The following MGAT5B variants were observed in gnomAD, a reference collection of about 807,000 sequenced individuals.
MGAT5B encodes the protein alpha-1,6-mannosylglycoprotein 6-beta-N-acetylglucosaminyltransferase B, also known as N-acetylglucosaminyl-transferase Vb.
A neutral mutation model predicts 95.1 loss-of-function variants in MGAT5B; 54 were observed. The observed-to-expected ratio is 0.57, with a 90% CI of 0.46 to 0.71. The LOEUF (loss-of-function observed/expected upper bound fraction) is 0.71. Ranked by LOEUF, MGAT5B falls within the 30% of genes least tolerant of loss-of-function variation. The pLI is 0.00. For synonymous variants in MGAT5B, 464 were observed against 451.0 expected, an observed-to-expected ratio of 1.03 and a Z score of -0.36; for missense variants, 935 against 1,088.6, an observed-to-expected ratio of 0.86 and a Z score of 1.99.
intron 2 of MGAT5B, among the ~76,000 whole-genome samples, chr17:76,879,917 AGATTAACC>A (rs1214985811): frequency 6.6e-6 from 1 of 152,214 alleles, no homozygotes; most frequent in Non-Finnish European, 1.5e-5. Flanking sequence ...AGGGCTGCCC[AGATTAACC>A]GATTGAGTGT....
chr17:76,902,482 C>T, intron 3 of MGAT5B, 73 bp from the exon 4 acceptor site: 2 of 1,158,282 alleles, frequency 1.7e-6, no homozygotes, highest in Non-Finnish European at 2.5e-6. Flanking sequence ...GCCTGTGGGC[C>T]TTACTGGCAG....
chr17:76,893,489 T>G (rs1967955377), intron 3 of MGAT5B, among the ~76,000 whole-genome samples: 1 of 152,166 alleles, frequency 6.6e-6, no homozygotes, highest in Non-Finnish European at 1.5e-5. Context: ...TCTCTTAAAA[T>G]GCATGTAACA....
chr17:76,911,634 A>G (rs1216678335), intron 8 of MGAT5B, among the ~76,000 whole-genome samples: 1 of 152,170 alleles, frequency 6.6e-6, no homozygotes, highest in Non-Finnish European at 1.5e-5. Context: ...TGGTCCCCAT[A>G]GTTGGCGGGG....
chr17:76,946,268 C>A, intron 15 of MGAT5B, 108 bp from the exon 16 acceptor site: 1 of 912,122 alleles, frequency 1.1e-6, no homozygotes, highest in Non-Finnish European at 1.6e-6. Context: ...CTGGGCATGG[C>A]ACAGGATGTG....
chr17:76,944,592 G>T (rs1041449107), intron 15 of MGAT5B, among the ~76,000 whole-genome samples: 3 of 152,142 alleles, frequency 2.0e-5, no homozygotes, highest in Admixed American at 6.5e-5. Context: ...CAGAGCACGG[G>T]GCTTCAAGGC....
At chr17:76,885,522 AT>A in intron 3 of MGAT5B, among the ~76,000 whole-genome samples, 1 of 151,524 alleles carries the variant, frequency 6.6e-6, no homozygotes, top group Non-Finnish European at 1.5e-5. Flanking sequence ...TGTTTCTCTG[AT>A]TTTTTTCCGG....
Position 76,918,807 on chromosome 17 carries a change from G to T in MGAT5B, c.1026-6159G>T, listed in dbSNP as rs1346480465. Among the ~76,000 whole-genome samples, 3 of 152,194 alleles carry T rather than the reference G, an allele frequency of 2.0e-5. No individual in the cohort carries two copies. Among genetic ancestry groups the T allele is most frequent in the Non-Finnish European group, 4.4e-5 (3 of 68,018 alleles). On this transcript the variant is annotated intron_variant, in intron 8 of 17. Transcript: ENST00000569840. This position sits in a 1 kb window ranked among gnomAD's most constrained non-coding sequence, Gnocchi z 5.1. Reference sequence around the variant, plus strand: ...TTGAGAGGCACCCAGTGAAGTTGTGGATCCTGCCTGCACTTCAGCCCCTGG... The same window carrying T: ...TTGAGAGGCACCCAGTGAAGTTGTGTATCCTGCCTGCACTTCAGCCCCTGG...
intron 10 of MGAT5B, 40 bp downstream of exon 10, chr17:76,926,770 C>T (rs150719177): frequency 1.2e-6 from 2 of 1,604,436 alleles, no homozygotes; most frequent in African/African-American, 2.7e-5. Context: ...CGGAGGTCCT[C>T]CTCATGGTTC....
intron 3 of MGAT5B, among the ~76,000 whole-genome samples, chr17:76,888,384 T>C (rs963693726): frequency 6.6e-6 from 1 of 152,062 alleles, no homozygotes; most frequent in African/African-American, 2.4e-5. Context: ...TCTCCCCTGC[T>C]CCGGCGCTCA....
At chr17:76,872,448 G>T (rs1229539198) in intron 1 of MGAT5B, among the ~76,000 whole-genome samples, 1 of 152,226 alleles carries the variant, frequency 6.6e-6, no homozygotes, top group East Asian at 1.9e-4. Context: ...CCACCCCAGA[G>T]TATCTGATTC....
rs1237146416 is a variant in MGAT5B, at chr17:76,889,659, GATA to G, written c.329+7367_329+7369del. Reference sequence around the variant, plus strand: ...ATTAATCATCATAATAATTAATGATGATAATAATCAATGACAATAGCAAATAAT... The same window carrying G: ...ATTAATCATCATAATAATTAATGATGATAATCAATGACAATAGCAAATAAT... On this transcript the variant is annotated intron_variant, in intron 3 of 17. Transcript: ENST00000569840. This position sits in a 1 kb window ranked among gnomAD's most constrained non-coding sequence, Gnocchi z 4.4. 2.0e-5 allele frequency among the ~76,000 whole-genome samples: 3 copies of G among 151,690 alleles called. No individual in the cohort carries two copies. Among genetic ancestry groups the G allele is most frequent in the Non-Finnish European group, 4.4e-5 (3 of 67,994 alleles).
In MGAT5B at chr17:76,869,812, C is replaced by T. The variant is rs761873554; in HGVS notation, c.68+715C>T. Among the ~76,000 whole-genome samples the T allele has an allele frequency of 2.0e-4, 30 of 152,118 alleles. No homozygotes were observed. The highest frequency in any genetic ancestry group is 4.1e-4 in the Non-Finnish European group (28 of 67,982). The stretch of plus-strand genomic sequence containing the variant: ...GGCGACACGCTTCGGGCGGCCAACA[C>T]CTGGGGGCCCAGGCCAGGCAGGGCT... On this transcript the variant is annotated intron_variant, in intron 1 of 17. Coordinates refer to ENST00000569840, the MANE Select transcript of MGAT5B (RefSeq NM_001199172.2). The surrounding 1 kb of genome is among the most constrained non-coding windows in gnomAD (Gnocchi z 7.0).
intron 10 of MGAT5B, among the ~76,000 whole-genome samples, chr17:76,927,273 A>G (rs561132902): frequency 5.3e-5 from 8 of 152,092 alleles, no homozygotes; most frequent in East Asian, 1.9e-4. Flanking sequence ...ATCTCGCTCT[A>G]TTGGTCAGGT....
chr17:76,934,081 G>T (rs1482824688), intron 12 of MGAT5B, among the ~76,000 whole-genome samples: 1 of 152,208 alleles, frequency 6.6e-6, no homozygotes, highest in African/African-American at 2.4e-5. Context: ...AATGTGCCCA[G>T]CCCTGTTCTG....
intron 2 of MGAT5B, among the ~76,000 whole-genome samples, chr17:76,878,197 C>T (rs1967266416): frequency 1.3e-5 from 2 of 152,240 alleles, no homozygotes; most frequent in East Asian, 3.9e-4. Flanking sequence ...TACCCACCCC[C>T]TGCCTAGTCT....
chr17:76,924,950 AG>A lies in MGAT5B; in HGVS notation c.1026-13del. 9 of 1,611,720 alleles carry A rather than the reference AG, an allele frequency of 5.6e-6. No homozygotes were observed. Among genetic ancestry groups the A allele is most frequent in the Non-Finnish European group, 7.6e-6 (9 of 1,179,294 alleles). On this transcript the variant is annotated splice_polypyrimidine_tract_variant and intron_variant, in intron 8 of 17. Coordinates refer to ENST00000569840, the MANE Select transcript of MGAT5B (RefSeq NM_001199172.2). ...GGGTTTCTTGGGGCCCAGAATCTGA[AG>A]GGCTCTTCTCTCAGTAACTTAGGGG...
Position 76,868,589 on chromosome 17 carries a change from G to T in MGAT5B, c.-441G>T, listed in dbSNP as rs1471970991. ...CGGGGCTGAGGATCGGCGCGGCCCGGAGGCGCTGGGGACCGGGGCGCGGGC... is the reference window on the plus strand; with the variant it reads ...CGGGGCTGAGGATCGGCGCGGCCCGTAGGCGCTGGGGACCGGGGCGCGGGC... On this transcript the variant is annotated 5_prime_UTR_variant, in exon 1 of 18. It introduces an in-frame stop codon into an upstream open reading frame of the 5' UTR. Coordinates refer to ENST00000569840, the MANE Select transcript of MGAT5B (RefSeq NM_001199172.2). The surrounding 1 kb of genome is among the most constrained non-coding windows in gnomAD (Gnocchi z 6.3). The T allele has an allele frequency of 6.8e-6, 1 of 147,518 alleles. No homozygotes were observed. Among genetic ancestry groups the T allele is most frequent in the African/African-American group, 2.4e-5 (1 of 40,904 alleles). The allele number at this position is 147,518 out of a possible 1,614,324, so 9.1% of individuals were successfully genotyped here.
intron 8 of MGAT5B, among the ~76,000 whole-genome samples, chr17:76,909,549 G>A (rs1293360417): frequency 6.6e-6 from 1 of 152,222 alleles, no homozygotes; most frequent in Non-Finnish European, 1.5e-5. Flanking sequence ...CAGGAGTGTT[G>A]GAGAGCAGAG....
intron 8 of MGAT5B, among the ~76,000 whole-genome samples, chr17:76,919,530 A>G (rs1337140616): frequency 6.6e-6 from 1 of 152,164 alleles, no homozygotes; most frequent in Non-Finnish European, 1.5e-5. Context: ...CCCAGGTTCA[A>G]ACGATTCTCC....
Sources: gnomAD v4.1 joint callset for allele counts (sites outside exome capture counted in the v4.1 genomes callset) on GRCh38, gnomAD v4.1.1 for gene constraint, Gnocchi (gnomAD v3.1) non-coding constraint, MANE v1.5 for transcripts, NCBI Gene and HGNC (gene_info 2026-07-23, HGNC 2026-07-21) for gene names.